NRN1: variants seen among roughly 807,000 people sequenced by gnomAD.
The protein encoded by NRN1 is neuritin.
Under a neutral mutation model 15.0 loss-of-function variants are expected in NRN1, and 4 were observed. The ratio of observed to expected loss-of-function variants is 0.27; its 90% CI spans 0.13 to 0.61. The LOEUF (loss-of-function observed/expected upper bound fraction) is 0.61, where lower values mean the gene tolerates loss of function less well. NRN1 is among the 20% of genes least tolerant of loss of function. NRN1 has a pLI of 0.87. For missense variants in NRN1, 134 were observed against 181.9 expected (o/e 0.74, Z 1.51); for synonymous variants, 85 against 79.8 (o/e 1.07, Z -0.35).
intron 1 of NRN1, 152 bp from the exon 2 acceptor site, chr6:6,002,649 A>C: frequency 9.5e-7 from 1 of 1,053,874 alleles, no homozygotes; most frequent in African/African-American, 1.6e-5. Flanking sequence ...GTTAAAGGTG[A>C]ATGAAAGACG....
intron 1 of NRN1, among the ~76,000 whole-genome samples, chr6:6,005,669 T>C (rs752630482): frequency 1.6e-4 from 24 of 152,232 alleles, no homozygotes; most frequent in Non-Finnish European, 2.8e-4. Context: ...CCTGAACTGA[T>C]AGGAGGTAAC....
chr6:5,998,376 C>T lies in NRN1; in HGVS notation c.*600G>A, dbSNP rs1420559378. On this transcript the variant is annotated 3_prime_UTR_variant, in exon 3 of 3. Transcript: ENST00000244766. Reference sequence around the variant, plus strand: ...ACCCCAGAGATTTCCTCAGCCCCTTCCCTCTCTCCCTCCTATCCTCCAAAC... The same window carrying T: ...ACCCCAGAGATTTCCTCAGCCCCTTTCCTCTCTCCCTCCTATCCTCCAAAC... 6.6e-6 allele frequency: 1 copy of T among 152,382 alleles called. No individual in the cohort carries two copies. Among genetic ancestry groups the T allele is most frequent in the African/African-American group, 2.4e-5 (1 of 41,432 alleles). 9.4% of individuals were successfully genotyped at this position (152,382 alleles called of 1,614,324 possible).
At position 6,002,387 on chromosome 6, in the gene NRN1, G is replaced by C; in HGVS notation, c.166C>G (p.Leu56Val). 6.2e-7 allele frequency: 1 copy of C among 1,614,240 alleles called. No homozygotes were observed. Among genetic ancestry groups the C allele is most frequent in the Non-Finnish European group, 8.5e-7 (1 of 1,180,030 alleles). ...GDSMANYPQG[L>V]DDKTNIKTVC... ...GTCTTGATGTTCGTCTTGTCGTCCAGGCCCTGCGGGTAGTTGGCCATGCTG... is the reference window on the plus strand; with the variant it reads ...GTCTTGATGTTCGTCTTGTCGTCCACGCCCTGCGGGTAGTTGGCCATGCTG... Residue 56 changes from leucine (L) to valine (V), a missense_variant, in exon 2 of 3, where the codon CTG becomes GTG. By Grantham distance (32) the Leu-to-Val change is conservative. Coordinates refer to ENST00000244766, the MANE Select transcript of NRN1 (RefSeq NM_016588.3).
intron 2 of NRN1, among the ~76,000 whole-genome samples, chr6:6,001,498 A>G (rs929162822): frequency 1.3e-5 from 2 of 152,168 alleles, no homozygotes; most frequent in African/African-American, 4.8e-5. Flanking sequence ...TCGTGGGAGC[A>G]GTGCTTTCTA....
chr6:6,005,873 C>T (rs997347910), intron 1 of NRN1, among the ~76,000 whole-genome samples: 3 of 152,148 alleles, frequency 2.0e-5, no homozygotes, highest in Admixed American at 1.3e-4. Flanking sequence ...CCCCTGACAG[C>T]GTAACTACAA....
intron 1 of NRN1, 140 bp downstream of exon 1, chr6:6,006,555 C>G: frequency 2.7e-6 from 2 of 736,356 alleles, no homozygotes; most frequent in Non-Finnish European, 4.8e-6. Context: ...TCCCCAGGAA[C>G]TGATGCCCCC....
intron 2 of NRN1, among the ~76,000 whole-genome samples, chr6:6,001,014 T>C (rs1757930321): frequency 6.6e-6 from 1 of 152,222 alleles, no homozygotes; most frequent in Non-Finnish European, 1.5e-5. Flanking sequence ...CTGCTCTATA[T>C]GCAACCTTTT....
chr6:6,002,218 A>G, intron 2 of NRN1, 135 bp downstream of exon 2: 1 of 1,165,260 alleles, frequency 8.6e-7, no homozygotes, highest in South Asian at 1.4e-5. Context: ...TGGGGGTTGG[A>G]GCCAGAAGGC....
In NRN1 at chr6:6,003,534, G is replaced by C. The variant is rs184761461; in HGVS notation, c.56-1037C>G. 2.1e-4 allele frequency among the ~76,000 whole-genome samples: 32 copies of C among 152,338 alleles called. No individual in the cohort carries two copies. The East Asian group carries it at 4.6e-3, about 22-fold the overall frequency. On this transcript the variant is annotated intron_variant, in intron 1 of 2. Transcript: ENST00000244766. ...AGCTCGCCGCGGCCCGGGGCTCCTG[G>C]CCCCAGCTCAGGACTCCCTGCAGAG...
At chr6:6,002,596 A>G in intron 1 of NRN1, 99 bp from the exon 2 acceptor site, 1 of 1,490,434 alleles carries the variant, frequency 6.7e-7, no homozygotes, top group Non-Finnish European at 9.0e-7. Flanking sequence ...GCCTCATCGC[A>G]TCGGGCGGCC....
At chr6:6,004,032 G>A (rs1243523679) in intron 1 of NRN1, 62 of 1,187,008 alleles carry the variant, frequency 5.2e-5, no homozygotes, top group Non-Finnish European at 6.1e-5. Flanking sequence ...AGAGGAAGGT[G>A]ACCGAACCCG....
intron 1 of NRN1, chr6:6,002,714 T>C: frequency 1.6e-6 from 1 of 633,398 alleles, no homozygotes; most frequent in Non-Finnish European, 2.7e-6. Flanking sequence ...AAATTGTCGG[T>C]GTGTGAGCAG....
At chr6:6,002,229 A>C in intron 2 of NRN1, 124 bp downstream of exon 2, 2 of 1,279,560 alleles carry the variant, frequency 1.6e-6, no homozygotes, top group Non-Finnish European at 2.2e-6. Flanking sequence ...GCCAGAAGGC[A>C]AGAGTGAGCC....
intron 2 of NRN1, among the ~76,000 whole-genome samples, chr6:6,000,748 T>TTTTTTTTTA (rs1554145373): frequency 0.012 from 1,204 of 99,032 alleles, 191 homozygotes; most frequent in East Asian, 0.091. Context: ...TTTTTTTTTT[T>TTTTTTTTTA]ATGTACGCCC....
intron 1 of NRN1, chr6:6,003,156 A>G: frequency 8.2e-7 from 1 of 1,224,124 alleles, no homozygotes; most frequent in African/African-American, 1.6e-5. Flanking sequence ...TCATTATAAA[A>G]CCGATTGCCT....
At chr6:6,007,393 G>A (rs935496999), upstream of NRN1, 3 of 152,362 alleles carry the variant, frequency 2.0e-5, no homozygotes, top group Non-Finnish European at 4.4e-5. Flanking sequence ...TACGATGCAG[G>A]GGGGTTTAAA....
rs185384592 is a variant in NRN1, at chr6:5,998,277, A to T, written c.*699T>A. Reference sequence around the variant, plus strand: ...AAATAAAGGCAGTGAACTTGGACGGATGCATCAACAACAGCAGATAAAGCT... The same window carrying T: ...AAATAAAGGCAGTGAACTTGGACGGTTGCATCAACAACAGCAGATAAAGCT... On this transcript the variant is annotated 3_prime_UTR_variant, in exon 3 of 3. Transcript: ENST00000244766. 2.6e-5 allele frequency: 4 copies of T among 152,416 alleles called. No individual in the cohort carries two copies. The highest frequency in any genetic ancestry group is 7.2e-5 in the African/African-American group (3 of 41,570). The allele number at this position is 152,416 out of a possible 1,614,324, so 9.4% of individuals were successfully genotyped here.
rs775837359 is a variant in NRN1 at position 6,002,466 on chromosome 6, G to A, written c.87C>T (p.Gly29=). The change falls in exon 2 of 3, where the codon GGC becomes GGT. Residue 29 remains glycine, a synonymous_variant. Coordinates refer to ENST00000244766, the MANE Select transcript of NRN1 (RefSeq NM_016588.3). ...AGCCCTTGAAGACCGCATCGCACTT[G>A]CCCGCTGCTCTCACGGCCTGCACCA... ...AYLVQAVRAA[G]KCDAVFKGFS... 1 of 1,614,018 alleles carries A rather than the reference G, an allele frequency of 6.2e-7. No homozygotes were observed. The highest frequency in any genetic ancestry group is 8.5e-7 in the Non-Finnish European group (1 of 1,180,014).
chr6:6,006,614 C>T (rs1449073875), intron 1 of NRN1, 81 bp downstream of exon 1: 19 of 1,397,720 alleles, frequency 1.4e-5, no homozygotes, highest in Admixed American at 6.8e-5. Flanking sequence ...GGCCGCGGAC[C>T]CGCTAGTCCC....
Sources: allele counts gnomAD v4.1 joint callset (sites outside exome capture counted in the v4.1 genomes callset), GRCh38; gene constraint gnomAD v4.1.1; transcripts MANE v1.5; gene names NCBI Gene and HGNC (gene_info 2026-07-23, HGNC 2026-07-21).